Variants in CCDC73 observed in about 807,000 individuals in gnomAD.
The protein encoded by CCDC73 is coiled-coil domain containing 73.
Under a neutral mutation model 116.5 loss-of-function variants are expected in CCDC73, and 95 were observed. The observed-to-expected ratio is 0.82, with a 90% CI of 0.69 to 0.97. The LOEUF is 0.97. CCDC73 is among the 50% of genes least tolerant of loss of function. The pLI is 0.00. For synonymous variants in CCDC73, 398 were observed against 401.3 expected (o/e 0.99, Z 0.10); for missense variants, 1,066 against 1,206.8 (o/e 0.88, Z 1.73).
In CCDC73 at chr11:32,731,937, G is replaced by A. The variant is rs986613550; in HGVS notation, c.136-13790C>T. 1.4e-4 allele frequency among the ~76,000 whole-genome samples: 21 copies of A among 152,350 alleles called. No homozygotes were observed. The East Asian group carries it at 4.0e-3, about 29-fold the overall frequency. On this transcript the variant is annotated intron_variant, in intron 2 of 17. Coordinates refer to ENST00000335185, the MANE Select transcript of CCDC73 (RefSeq NM_001008391.4). ...TGACTTTGACAAGTTGAGAGAAGAA[G>A]GCTTCAGAAGATCAGTAATAACAAA...
At chr11:32,641,927 A>T (rs1565064354) in intron 13 of CCDC73, 45 bp downstream of exon 13, 1 of 1,255,714 alleles carries the variant, frequency 8.0e-7, no homozygotes, top group Non-Finnish European at 1.0e-6. Flanking sequence ...TAAATGTCTA[A>T]AACTATTTAA....
At chr11:32,688,933 C>A (rs561272863) in intron 6 of CCDC73, among the ~76,000 whole-genome samples, 5 of 152,120 alleles carry the variant, frequency 3.3e-5, no homozygotes, top group Non-Finnish European at 7.4e-5. Flanking sequence ...CAAGGTGATG[C>A]TTTGGTAATC....
chr11:32,727,622 G>GA (rs1655705082), intron 2 of CCDC73, among the ~76,000 whole-genome samples: 4 of 152,082 alleles, frequency 2.6e-5, no homozygotes, highest in Admixed American at 2.6e-4. Flanking sequence ...CCCCAGGCTG[G>GA]AGCGCAGTGG....
At chr11:32,722,369 A>T (rs573483795) in intron 2 of CCDC73, among the ~76,000 whole-genome samples, 39 of 152,344 alleles carry the variant, frequency 2.6e-4, no homozygotes, top group African/African-American at 9.4e-4. Flanking sequence ...TAACTGGGTC[A>T]CATACCCTCT....
chr11:32,732,438 T>A (rs4525201), intron 2 of CCDC73, among the ~76,000 whole-genome samples: 114,579 of 151,904 alleles, frequency 0.75, 43,347 homozygotes, highest in East Asian at 0.93. Flanking sequence ...ATACTCCTCA[T>A]GAAGAGCAAC....
chr11:32,788,969 A>G (rs1299817915), intron 1 of CCDC73, among the ~76,000 whole-genome samples: 1 of 152,210 alleles, frequency 6.6e-6, no homozygotes. Context: ...TAAGAATGCT[A>G]AACTAAGTTT....
intron 2 of CCDC73, among the ~76,000 whole-genome samples, chr11:32,719,803 A>G (rs1340559593): frequency 6.6e-6 from 1 of 152,176 alleles, no homozygotes; most frequent in Non-Finnish European, 1.5e-5. Flanking sequence ...TTGACAACTT[A>G]GAGAAATTGG....
the CCDC73 span, among the ~76,000 whole-genome samples, chr11:32,816,539 G>GA: frequency 6.6e-6 from 1 of 152,050 alleles, no homozygotes; most frequent in Middle Eastern, 3.2e-3. Context: ...AAGTCAAGTG[G>GA]AAAAAAGTAA....
intron 1 of CCDC73, among the ~76,000 whole-genome samples, chr11:32,774,451 C>G (rs1443004422): frequency 6.6e-6 from 1 of 152,022 alleles, no homozygotes; most frequent in Non-Finnish European, 1.5e-5. Context: ...TGGATGTGGT[C>G]AATCTATTAT....
chr11:32,729,098 G>C (rs1850054053), intron 2 of CCDC73, among the ~76,000 whole-genome samples: 1 of 151,496 alleles, frequency 6.6e-6, no homozygotes, highest in African/African-American at 2.4e-5. Context: ...ATGATGGTTT[G>C]CTGCACAGAT....
intron 9 of CCDC73, among the ~76,000 whole-genome samples, chr11:32,671,266 C>A (rs1158822707): frequency 6.6e-6 from 1 of 151,996 alleles, no homozygotes; most frequent in Admixed American, 6.6e-5. Context: ...AGACAAACAG[C>A]AGAGGTTATG....
chr11:32,679,427 G>A (rs896873067), intron 7 of CCDC73, among the ~76,000 whole-genome samples: 16 of 151,884 alleles, frequency 1.1e-4, no homozygotes, highest in African/African-American at 3.6e-4. Flanking sequence ...GCTGTGGCAC[G>A]ATCTCGGCTC....
chr11:32,727,227 C>T (rs1235203246), intron 2 of CCDC73, among the ~76,000 whole-genome samples: 1 of 152,144 alleles, frequency 6.6e-6, no homozygotes, highest in African/African-American at 2.4e-5. Context: ...TCATGTGAAT[C>T]ACTGATACCA....
At position 32,613,556 on chromosome 11, in the gene CCDC73, G is replaced by A. The variant is rs367851392; in HGVS notation, c.2762C>T (p.Ala921Val). ...SKVNHIESQT[A>V]SSSTPCISLL... ...AGAAATGCAAGGGGTCGAACTGCTC[G>A]CTGTTTGACTTTCAATGTGATTTAC... The change falls in exon 16 of 18, where the codon GCG (alanine) becomes GTG (valine). Residue 921 changes from alanine to valine, a missense_variant. Ala to Val is a moderately conservative substitution (Grantham distance 64). Coordinates refer to ENST00000335185, the MANE Select transcript of CCDC73 (RefSeq NM_001008391.4). The A allele has an allele frequency of 3.3e-5, 53 of 1,613,930 alleles. No individual in the cohort carries two copies. The African/African-American group carries it at 4.5e-4, about 14-fold the overall frequency.
At chr11:32,615,272 CTT>C (rs1855464150) in intron 15 of CCDC73, among the ~76,000 whole-genome samples, 1 of 152,082 alleles carries the variant, frequency 6.6e-6, no homozygotes, top group South Asian at 2.1e-4. Flanking sequence ...ATTTAGGACA[CTT>C]AGTACAATTC....
At chr11:32,637,017 C>CTTTTTTTTTT (rs71063750) in intron 13 of CCDC73, among the ~76,000 whole-genome samples, 22 of 87,936 alleles carry the variant, frequency 2.5e-4, no homozygotes, top group African/African-American at 6.3e-4. Context: ...TTTTCTTTTT[C>CTTTTTTTTTT]TTTTTTTTTT....
chr11:32,606,794 T>C (rs1855356421), intron 17 of CCDC73, among the ~76,000 whole-genome samples: 1 of 145,244 alleles, frequency 6.9e-6, no homozygotes, highest in African/African-American at 2.5e-5. Context: ...AAAAATTCTA[T>C]AAAAATAAAT....
intron 6 of CCDC73, among the ~76,000 whole-genome samples, chr11:32,684,351 C>T (rs1856174894): frequency 6.6e-6 from 1 of 152,184 alleles, no homozygotes; most frequent in African/African-American, 2.4e-5. Context: ...CCATGCCCCA[C>T]TCTACCAGGT....
chr11:32,673,640 G>C (rs1206818523), intron 9 of CCDC73, among the ~76,000 whole-genome samples: 1 of 152,112 alleles, frequency 6.6e-6, no homozygotes, highest in Non-Finnish European at 1.5e-5. Flanking sequence ...TCTCTGTACT[G>C]AATCAACTAG....
Sources: allele counts gnomAD v4.1 joint callset (sites outside exome capture counted in the v4.1 genomes callset), GRCh38; gene constraint gnomAD v4.1.1; transcripts MANE v1.5; gene names NCBI Gene and HGNC (gene_info 2026-07-23, HGNC 2026-07-21).